The following GLIS1 variants were observed in gnomAD, a reference collection of about 807,000 sequenced individuals.
GLIS1 encodes GLIS family zinc finger 1.
In GLIS1, 24 loss-of-function variants were observed where a neutral mutation model predicts 63.8. The ratio of observed to expected loss-of-function variants is 0.38; its 90% CI spans 0.27 to 0.53. The LOEUF is 0.53. Among genes scored for constraint, GLIS1 ranks in the 20% least tolerant of loss-of-function variants. GLIS1 has a pLI of 0.85. For missense variants in GLIS1, 1,036 were observed against 1,074.1 expected (o/e 0.96, Z 0.50); for synonymous variants, 450 against 482.5 (o/e 0.93, Z 0.88).
At chr1:53,665,397 G>A (rs1181089981) in intron 2 of GLIS1, among the ~76,000 whole-genome samples, 2 of 152,186 alleles carry the variant, frequency 1.3e-5, no homozygotes, top group Non-Finnish European at 2.9e-5. Context: ...AAGAGAAGCA[G>A]TGTAAAGTAC....
chr1:53,535,139 T>TG (rs1644569764), intron 4 of GLIS1, among the ~76,000 whole-genome samples: 1 of 152,022 alleles, frequency 6.6e-6, no homozygotes, highest in Non-Finnish European at 1.5e-5. Flanking sequence ...ATGGGAGTTT[T>TG]GGGGGCTCCC....
At chr1:53,611,646 G>T (rs566923283) in intron 2 of GLIS1, among the ~76,000 whole-genome samples, 1 of 152,238 alleles carries the variant, frequency 6.6e-6, no homozygotes, top group South Asian at 2.1e-4. Flanking sequence ...TTAAAGCTGG[G>T]CTTCACTCTT....
intron 2 of GLIS1, among the ~76,000 whole-genome samples, chr1:53,704,175 T>C (rs1646552581): frequency 6.6e-6 from 1 of 152,226 alleles, no homozygotes; most frequent in African/African-American, 2.4e-5. Context: ...GGAAGAAATG[T>C]TTGCCCACAG....
intron 2 of GLIS1, among the ~76,000 whole-genome samples, chr1:53,686,210 A>G (rs1396239301): frequency 6.6e-6 from 1 of 152,176 alleles, no homozygotes; most frequent in Non-Finnish European, 1.5e-5. Flanking sequence ...CTGGGTACTC[A>G]GTAAATGAGG....
intron 3 of GLIS1, among the ~76,000 whole-genome samples, chr1:53,596,548 C>T (rs549073810): frequency 3.3e-5 from 5 of 152,200 alleles, no homozygotes; most frequent in South Asian, 2.1e-4. Context: ...GAGATGGCCC[C>T]GTGACAGCCC....
intron 4 of GLIS1, among the ~76,000 whole-genome samples, chr1:53,531,927 G>GA (rs1015381569): frequency 1.1e-4 from 17 of 152,292 alleles, no homozygotes; most frequent in African/African-American, 4.1e-4. Context: ...ATAGTGGGGT[G>GA]ACGCACACTG....
chr1:53,702,860 C>T (rs1646538461), intron 2 of GLIS1, among the ~76,000 whole-genome samples: 1 of 152,210 alleles, frequency 6.6e-6, no homozygotes, highest in Non-Finnish European at 1.5e-5. Flanking sequence ...ACGTGGCCTG[C>T]CCACAGGGCT....
At chr1:53,542,571 G>A (rs146931957) in intron 4 of GLIS1, among the ~76,000 whole-genome samples, 205 of 152,348 alleles carry the variant, frequency 1.3e-3, no homozygotes, top group Non-Finnish European at 1.9e-3. Flanking sequence ...ATTAGTTGGG[G>A]GCTGGGAGAG....
chr1:53,556,813 GGTGTGTGTGTGCAGGTGTACTGCAGCAT>G (rs1557449190), intron 4 of GLIS1, among the ~76,000 whole-genome samples: 1 of 147,674 alleles, frequency 6.8e-6, no homozygotes, highest in Non-Finnish European at 1.5e-5. Flanking sequence ...GTATACTGCA[GGTGTGTGTGTGCAGGTGTACTGCAGCAT>G]GTGTGTGTGT....
In GLIS1 at chr1:53,597,241, C is replaced by T. The variant is rs1282661784; in HGVS notation, c.438-2251G>A. On this transcript the variant is annotated intron_variant, in intron 3 of 10. Transcript: ENST00000628545. ...ACAAAAAATTAGCCGGGTGTGGTGG[C>T]GGGCGCCTGTAGTCCCAGCTACTCG... 2.0e-4 allele frequency among the ~76,000 whole-genome samples: 26 copies of T among 128,466 alleles called. No individual in the cohort carries two copies. The East Asian group carries it at 6.2e-3, about 31-fold the overall frequency. 84.3% of individuals were successfully genotyped at this position (128,466 alleles called of 152,430 possible). A position where few individuals can be genotyped will look rare whatever the true frequency, so the allele number is the denominator to read the frequency against.
At chr1:53,613,540 G>T (rs1156617588) in intron 2 of GLIS1, among the ~76,000 whole-genome samples, 2 of 152,096 alleles carry the variant, frequency 1.3e-5, no homozygotes, top group East Asian at 1.9e-4. Context: ...TGTAGCTATT[G>T]AATATGATAC....
At chr1:53,532,155 G>A (rs566778815) in intron 4 of GLIS1, among the ~76,000 whole-genome samples, 1 of 152,316 alleles carries the variant, frequency 6.6e-6, no homozygotes, top group East Asian at 1.9e-4. Flanking sequence ...TTCTCCTAAA[G>A]AAGGGAAAGG....
intron 5 of GLIS1, among the ~76,000 whole-genome samples, chr1:53,528,239 A>AAT (rs1644492426): frequency 6.6e-6 from 1 of 152,162 alleles, no homozygotes; most frequent in Admixed American, 6.5e-5. Context: ...AATGAAGCTG[A>AAT]GAAGGGGAGG....
intron 2 of GLIS1, among the ~76,000 whole-genome samples, chr1:53,678,086 C>T (rs2950244): frequency 0.63 from 95,825 of 151,806 alleles, 32,992 homozygotes; most frequent in South Asian, 0.77. Flanking sequence ...AACATACTGG[C>T]TGTGGATGGC....
intron 2 of GLIS1, among the ~76,000 whole-genome samples, chr1:53,658,416 CAA>C (rs1645990065): frequency 6.6e-6 from 1 of 152,182 alleles, no homozygotes; most frequent in African/African-American, 2.4e-5. Context: ...AATGAAATAA[CAA>C]ATGCATGACG....
At chr1:53,687,581 C>T (rs1646352622) in intron 2 of GLIS1, among the ~76,000 whole-genome samples, 4 of 152,150 alleles carry the variant, frequency 2.6e-5, no homozygotes, top group Non-Finnish European at 2.9e-5. Context: ...TGGTTCTGTG[C>T]GTTCTCTTCC....
chr1:53,556,516 A>ATGTG (rs1644829911), intron 4 of GLIS1, among the ~76,000 whole-genome samples: 1 of 70,728 alleles, frequency 1.4e-5, no homozygotes, highest in Non-Finnish European at 2.6e-5. Flanking sequence ...TGTACTGCAG[A>ATGTG]TGTGTGTGCA....
intron 2 of GLIS1, among the ~76,000 whole-genome samples, chr1:53,724,697 AAAAGT>A (rs1390398163): frequency 1.3e-5 from 2 of 152,098 alleles, no homozygotes; most frequent in East Asian, 3.9e-4. Context: ...TTTAAATTTT[AAAAGT>A]AAAGACAGAG....
intron 7 of GLIS1, among the ~76,000 whole-genome samples, chr1:53,516,050 C>G (rs531711738): frequency 5.3e-5 from 8 of 152,224 alleles, no homozygotes; most frequent in South Asian, 2.1e-4. Flanking sequence ...TGGGAGGACT[C>G]TTTGTGACCT....
Sources: allele counts gnomAD v4.1 joint callset (sites outside exome capture counted in the v4.1 genomes callset), GRCh38; gene constraint gnomAD v4.1.1; transcripts MANE v1.5; gene names NCBI Gene and HGNC (gene_info 2026-07-23, HGNC 2026-07-21).